The following CPA6 variants were observed in gnomAD, a reference collection of about 807,000 sequenced individuals.
CPA6 encodes carboxypeptidase B.
Under a neutral mutation model 63.3 loss-of-function variants are expected in CPA6, and 58 were observed. That is an observed-to-expected ratio of 0.92 (90% confidence interval 0.74 to 1.14). The LOEUF (loss-of-function observed/expected upper bound fraction) is 1.14. CPA6 is among the 50% of genes most tolerant of loss of function. The probability of loss-of-function intolerance (pLI) is 0.00; values close to 1 mark genes in which losing one functional copy is unlikely to be tolerated. For synonymous variants in CPA6, 185 were observed against 179.0 expected (o/e 1.03, Z -0.27); for missense variants, 565 against 526.6 (o/e 1.07, Z -0.71).
At chr8:67,716,067 T>C (rs977911745) in intron 1 of CPA6, among the ~76,000 whole-genome samples, 3 of 144,384 alleles carry the variant, frequency 2.1e-5, no homozygotes, top group African/African-American at 7.8e-5. Context: ...GGCAGGAGAA[T>C]CACTTGAACC....
At chr8:67,457,019 T>C (rs1810691724) in intron 8 of CPA6, among the ~76,000 whole-genome samples, 1 of 152,106 alleles carries the variant, frequency 6.6e-6, no homozygotes, top group Non-Finnish European at 1.5e-5. Context: ...CCTGAGGGAG[T>C]GTGGCCTTGC....
At chr8:67,583,592 A>G (rs1587595668) in intron 2 of CPA6, among the ~76,000 whole-genome samples, 1 of 152,292 alleles carries the variant, frequency 6.6e-6, no homozygotes, top group East Asian at 1.9e-4. Context: ...ATTAAGTTCC[A>G]TTGCTAGTGA....
At chr8:67,738,135 T>C (rs1170080664) in intron 1 of CPA6, among the ~76,000 whole-genome samples, 1 of 152,202 alleles carries the variant, frequency 6.6e-6, no homozygotes, top group Non-Finnish European at 1.5e-5. Flanking sequence ...CTGGTAGTCA[T>C]TGGATATCAG....
At chr8:67,712,938 G>T (rs992739156) in intron 1 of CPA6, among the ~76,000 whole-genome samples, 2 of 151,262 alleles carry the variant, frequency 1.3e-5, no homozygotes, top group African/African-American at 2.4e-5. Context: ...TGGGTTCCAG[G>T]AACCCTTATT....
chr8:67,549,072 A>C (rs1342797959), intron 2 of CPA6, among the ~76,000 whole-genome samples: 1 of 152,222 alleles, frequency 6.6e-6, no homozygotes. Flanking sequence ...TTGAAAAAGC[A>C]AAAGAAAATG....
intron 2 of CPA6, among the ~76,000 whole-genome samples, chr8:67,537,315 G>A (rs1812605648): frequency 6.6e-6 from 1 of 152,102 alleles, no homozygotes; most frequent in Non-Finnish European, 1.5e-5. Context: ...GGGTGAATCT[G>A]TTTGGTCCTG....
intron 7 of CPA6, among the ~76,000 whole-genome samples, chr8:67,484,426 T>C (rs928921460): frequency 6.6e-6 from 1 of 152,214 alleles, no homozygotes; most frequent in Non-Finnish European, 1.5e-5. Context: ...TGGGCTGGAC[T>C]AGACTAGTGA....
intron 1 of CPA6, among the ~76,000 whole-genome samples, chr8:67,680,553 T>C (rs539332194): frequency 6.6e-6 from 1 of 151,024 alleles, no homozygotes; most frequent in Non-Finnish European, 1.5e-5. Flanking sequence ...CACACAGACA[T>C]ACATACACAG....
intron 1 of CPA6, among the ~76,000 whole-genome samples, chr8:67,633,214 T>A (rs1039485695): frequency 9.2e-5 from 14 of 152,222 alleles, no homozygotes; most frequent in African/African-American, 2.9e-4. Flanking sequence ...ATTCCATTTT[T>A]TCCCCATAGG....
At chr8:67,548,429 G>T (rs1303749673) in intron 2 of CPA6, among the ~76,000 whole-genome samples, 1 of 150,482 alleles carries the variant, frequency 6.6e-6, no homozygotes. Context: ...TATTTTTTTT[G>T]TATTTTTAGT....
intron 1 of CPA6, among the ~76,000 whole-genome samples, chr8:67,649,010 T>C (rs576230516): frequency 1.3e-5 from 2 of 152,248 alleles, no homozygotes; most frequent in East Asian, 1.9e-4. Flanking sequence ...TATTGCAATA[T>C]GTGAATGATC....
chr8:67,595,562 T>G (rs1814304930), intron 2 of CPA6, among the ~76,000 whole-genome samples: 1 of 152,212 alleles, frequency 6.6e-6, no homozygotes, highest in African/African-American at 2.4e-5. Context: ...GGCTGCTTTG[T>G]TTACCTAAGC....
At chr8:67,732,910 C>T (rs1447489865) in intron 1 of CPA6, among the ~76,000 whole-genome samples, 2 of 152,028 alleles carry the variant, frequency 1.3e-5, no homozygotes, top group African/African-American at 4.8e-5. Flanking sequence ...CAAAGTTTAG[C>T]TTCTTGCCGG....
chr8:67,552,408 C>T (rs1445080472), intron 2 of CPA6, among the ~76,000 whole-genome samples: 2 of 152,084 alleles, frequency 1.3e-5, no homozygotes, highest in Non-Finnish European at 2.9e-5. Flanking sequence ...TATAGGTGCT[C>T]AATATATATC....
chr8:67,632,660 G>A (rs1473258055), intron 1 of CPA6, among the ~76,000 whole-genome samples: 3 of 152,146 alleles, frequency 2.0e-5, no homozygotes, highest in African/African-American at 7.2e-5. Flanking sequence ...TCTAATAGTT[G>A]ACAATTGAGT....
At chr8:67,739,679 C>T (rs895175879) in intron 1 of CPA6, among the ~76,000 whole-genome samples, 2 of 152,134 alleles carry the variant, frequency 1.3e-5, no homozygotes, top group Non-Finnish European at 1.5e-5. Context: ...GATCTGGTTT[C>T]AGGGTGTAGG....
At chr8:67,675,499 C>CCCTT (rs1816451405) in intron 1 of CPA6, among the ~76,000 whole-genome samples, 3 of 152,142 alleles carry the variant, frequency 2.0e-5, no homozygotes, top group Admixed American at 2.0e-4. Flanking sequence ...CTTGTCCTTC[C>CCCTT]ACCCCTCCCC....
At chr8:67,428,629 G>A (rs955341970) in intron 9 of CPA6, among the ~76,000 whole-genome samples, 2 of 152,042 alleles carry the variant, frequency 1.3e-5, no homozygotes, top group Non-Finnish European at 2.9e-5. Flanking sequence ...GACTACAAGC[G>A]CGTGCCACCA....
intron 5 of CPA6, among the ~76,000 whole-genome samples, chr8:67,508,447 C>A (rs954650949): frequency 3.9e-5 from 6 of 151,974 alleles, no homozygotes; most frequent in African/African-American, 1.5e-4. Context: ...GGGTGGACTG[C>A]AATGGATACA....
Sources: gnomAD v4.1 joint callset for allele counts (sites outside exome capture counted in the v4.1 genomes callset) on GRCh38, gnomAD v4.1.1 for gene constraint, MANE v1.5 for transcripts, NCBI Gene and HGNC (gene_info 2026-07-23, HGNC 2026-07-21) for gene names.